Variants in PAG1 observed in about 807,000 individuals in gnomAD.
PAG1 encodes the protein phosphoprotein associated with glycosphingolipid-enriched microdomains 1.
PAG1 carries 23 observed loss-of-function variants against 31.7 expected under a neutral mutation model. The ratio of observed to expected loss-of-function variants is 0.73; its 90% confidence interval spans 0.52 to 1.03. The LOEUF is 1.03. PAG1 is among the 50% of genes least tolerant of loss of function. PAG1 has a pLI of 0.00. For synonymous variants in PAG1, 214 were observed against 210.3 expected (o/e 1.02, Z -0.15); for missense variants, 473 against 540.7 (o/e 0.87, Z 1.24).
chr8:81,092,284 T>C (rs1199466547), intron 1 of PAG1, among the ~76,000 whole-genome samples: 1 of 151,518 alleles, frequency 6.6e-6, no homozygotes. Flanking sequence ...CTTGAGGCGC[T>C]GAGGCGGGAG....
chr8:81,082,843 G>A (rs1209264992), intron 1 of PAG1, among the ~76,000 whole-genome samples: 3 of 151,602 alleles, frequency 2.0e-5, no homozygotes, highest in African/African-American at 7.3e-5. Context: ...TTTTATGATG[G>A]CTGTTTTAAA....
At chr8:80,977,082 C>A (rs1309956888) in intron 8 of PAG1, among the ~76,000 whole-genome samples, 176 bp from the exon 9 acceptor site, 1 of 152,180 alleles carries the variant, frequency 6.6e-6, no homozygotes, top group Non-Finnish European at 1.5e-5. Flanking sequence ...ATTACACACA[C>A]TATCTTCAAC....
intron 1 of PAG1, among the ~76,000 whole-genome samples, chr8:81,088,686 T>C (rs988537023): frequency 4.6e-5 from 7 of 152,014 alleles, no homozygotes; most frequent in African/African-American, 1.4e-4. Flanking sequence ...AGCAAACAAA[T>C]ATTTGAACAG....
intron 1 of PAG1, among the ~76,000 whole-genome samples, chr8:81,110,595 A>G (rs2131153600): frequency 6.6e-6 from 1 of 152,346 alleles, no homozygotes; most frequent in Non-Finnish European, 1.5e-5. Context: ...TTTAGACTCA[A>G]CAATTGTCTG....
chr8:81,019,511 G>A (rs937446930), intron 3 of PAG1, among the ~76,000 whole-genome samples: 1 of 152,348 alleles, frequency 6.6e-6, no homozygotes, highest in East Asian at 1.9e-4. Flanking sequence ...TGGCTAAAAG[G>A]GGCCAACATA....
At chr8:80,981,953 C>A (rs1268867105) in intron 7 of PAG1, among the ~76,000 whole-genome samples, 1 of 149,374 alleles carries the variant, frequency 6.7e-6, no homozygotes, top group Non-Finnish European at 1.5e-5. Flanking sequence ...GCAGCCTTGA[C>A]CTCCCAGGCT....
chr8:80,995,518 C>A (rs116871726), intron 3 of PAG1, among the ~76,000 whole-genome samples: 3,243 of 152,316 alleles, frequency 0.021, 52 homozygotes, highest in Non-Finnish European at 0.024. Context: ...TACATTCAAG[C>A]AAGCAGCTAA....
chr8:81,095,993 TTTG>T (rs1196998262), intron 1 of PAG1, among the ~76,000 whole-genome samples: 5 of 152,220 alleles, frequency 3.3e-5, no homozygotes, highest in African/African-American at 1.2e-4. Flanking sequence ...TATGAAGAAG[TTTG>T]TTAAGTGAAG....
At chr8:81,111,158 T>C (rs1268331103) in intron 1 of PAG1, among the ~76,000 whole-genome samples, 2 of 151,768 alleles carry the variant, frequency 1.3e-5, no homozygotes, top group Non-Finnish European at 2.9e-5. Flanking sequence ...AGGGGAAGAG[T>C]AAAGCGGGAT....
At position 80,990,849 on chromosome 8, in the gene PAG1, G is replaced by A. The variant is rs955560996; in HGVS notation, c.177+630C>T. Among the ~76,000 whole-genome samples, 1 of 152,178 alleles carries A rather than the reference G, an allele frequency of 6.6e-6. No homozygotes were observed. Among genetic ancestry groups the A allele is most frequent in the African/African-American group, 2.4e-5 (1 of 41,454 alleles). ...CCAAGTCCTAACCCCCAGCACCTGA[G>A]AATATGGTCTCATTTGGAAATAGGG... On this transcript the variant is annotated intron_variant, in intron 5 of 8. Transcript: ENST00000220597. The surrounding 1 kb of genome is among the most constrained non-coding windows in gnomAD (Gnocchi z 5.1).
At chr8:81,056,974 C>T (rs1808834566) in intron 2 of PAG1, among the ~76,000 whole-genome samples, 1 of 152,202 alleles carries the variant, frequency 6.6e-6, no homozygotes, top group African/African-American at 2.4e-5. Flanking sequence ...AAAAAGTGCT[C>T]ATCATCACTG....
At chr8:80,997,956 C>A (rs947598945) in intron 3 of PAG1, among the ~76,000 whole-genome samples, 6 of 152,084 alleles carry the variant, frequency 3.9e-5, no homozygotes, top group African/African-American at 1.4e-4. Context: ...AAGGTCAGTG[C>A]TTATGGTTAA....
At chr8:81,034,527 C>T (rs553471971) in intron 2 of PAG1, among the ~76,000 whole-genome samples, 98 of 152,304 alleles carry the variant, frequency 6.4e-4, no homozygotes, top group Non-Finnish European at 1.1e-3. Context: ...AAACTTAGAC[C>T]TGCTAATCTA....
chr8:81,056,096 G>T (rs1312574146), intron 2 of PAG1, among the ~76,000 whole-genome samples: 1 of 152,132 alleles, frequency 6.6e-6, no homozygotes, highest in African/African-American at 2.4e-5. Flanking sequence ...CTGTGGGTTT[G>T]TCATAAATAG....
Position 80,976,911 on chromosome 8 carries a change from G to T in PAG1, c.937-5C>A. ...TGATGAGTACATAGCTGAGATCTAGGAGACAAAGGGAGAGTTGAATAAACT... is the reference window on the plus strand; with the variant it reads ...TGATGAGTACATAGCTGAGATCTAGTAGACAAAGGGAGAGTTGAATAAACT... On this transcript the variant is annotated splice_region_variant and splice_polypyrimidine_tract_variant and intron_variant, in intron 8 of 8. Transcript: ENST00000220597. The T allele has an allele frequency of 6.3e-7, 1 of 1,585,384 alleles. No individual in the cohort carries two copies. Among genetic ancestry groups the T allele is most frequent in the Non-Finnish European group, 8.6e-7 (1 of 1,167,514 alleles).
chr8:81,058,925 A>G (rs991884565), intron 2 of PAG1, among the ~76,000 whole-genome samples: 2 of 152,192 alleles, frequency 1.3e-5, no homozygotes, highest in African/African-American at 2.4e-5. Context: ...TCTTAACTCA[A>G]TAAGTGTTCT....
chr8:81,003,382 T>C (rs1254332692), intron 3 of PAG1, among the ~76,000 whole-genome samples: 1 of 152,196 alleles, frequency 6.6e-6, no homozygotes, highest in Non-Finnish European at 1.5e-5. Context: ...CTGAAGGTTA[T>C]ACAGCCGGAT....
chr8:81,005,943 A>T (rs1302324101), intron 3 of PAG1, among the ~76,000 whole-genome samples: 1 of 152,192 alleles, frequency 6.6e-6, no homozygotes, highest in Non-Finnish European at 1.5e-5. Context: ...TTTTAAATTT[A>T]AATTTTAATT....
intron 1 of PAG1, among the ~76,000 whole-genome samples, chr8:81,087,123 T>G (rs899977081): frequency 5.3e-5 from 8 of 152,124 alleles, no homozygotes; most frequent in Non-Finnish European, 1.0e-4. Flanking sequence ...GGCGGGCGGA[T>G]CCCGAGGTCA....
Sources: gnomAD v4.1 joint callset for allele counts (sites outside exome capture counted in the v4.1 genomes callset) on GRCh38, gnomAD v4.1.1 for gene constraint, Gnocchi (gnomAD v3.1) non-coding constraint, MANE v1.5 for transcripts, NCBI Gene and HGNC (gene_info 2026-07-23, HGNC 2026-07-21) for gene names.